Variants in CANX observed in about 807,000 individuals in gnomAD.
CANX encodes epididymis secretory sperm binding protein.
CANX carries 14 observed loss-of-function variants against 75.7 expected under a neutral mutation model. The observed-to-expected ratio is 0.19, with a 90% CI of 0.12 to 0.29. The LOEUF (loss-of-function observed/expected upper bound fraction) is 0.29. CANX is among the 10% of genes least tolerant of loss of function. The probability of loss-of-function intolerance (pLI) is 1.00; values close to 1 mark genes in which losing one functional copy is unlikely to be tolerated. For missense variants in CANX, 567 were observed against 713.2 expected (o/e 0.79, Z 2.34); for synonymous variants, 227 against 236.9 (o/e 0.96, Z 0.38).
rs1562504500 is a variant in CANX at position 179,719,769 on chromosome 5, A to C, written c.1013A>C (p.Lys338Thr). ...PEYVPDPDAE[K>T]PEDWDEDMDG... Reference sequence around the variant, plus strand: ...TACGTACCTGATCCAGACGCAGAGAAACCTGAGGATTGGTAAGAACTTCAG... The same window carrying C: ...TACGTACCTGATCCAGACGCAGAGACACCTGAGGATTGGTAAGAACTTCAG... Residue 338 changes from lysine to threonine, a missense_variant, in exon 9 of 15, where the codon AAA becomes ACA. Around this residue, in one of 3 missense-constraint regions of CANX, gnomAD observed 351 missense variants for 433.8 expected, o/e 0.81. Transcript: ENST00000247461. The C allele has an allele frequency of 1.3e-6, 2 of 1,595,938 alleles. No homozygotes were observed. Among genetic ancestry groups the C allele is most frequent in the Non-Finnish European group, 1.7e-6 (2 of 1,166,388 alleles).
intron 7 of CANX, 38 bp downstream of exon 7, chr5:179,710,103 C>G: frequency 8.6e-7 from 1 of 1,156,360 alleles, no homozygotes. Flanking sequence ...TATGGTATTA[C>G]ATATATATCA....
chr5:179,723,504 G>T, intron 11 of CANX, 156 bp from the exon 12 acceptor site: 4 of 700,448 alleles, frequency 5.7e-6, no homozygotes, highest in Admixed American at 6.1e-5. Flanking sequence ...GAGGATGGAG[G>T]CTTTCTCTAA....
At chr5:179,680,978 T>G (rs1322040582) in intron 1 of CANX, 16 of 1,434,504 alleles carry the variant, frequency 1.1e-5, no homozygotes, top group Non-Finnish European at 1.5e-5. Flanking sequence ...GTCCTCACTG[T>G]ATGTTGTGCC....
upstream of CANX, chr5:179,698,678 C>T: frequency 9.5e-7 from 1 of 1,050,034 alleles, no homozygotes; most frequent in Non-Finnish European, 1.3e-6. Context: ...CCTGTTAAAC[C>T]AGCCCCGCCC....
intron 7 of CANX, among the ~76,000 whole-genome samples, chr5:179,712,446 T>G (rs1321445041): frequency 3.9e-5 from 6 of 152,112 alleles, no homozygotes; most frequent in African/African-American, 1.2e-4. Context: ...GAGATGGAGT[T>G]TCACTCTTGT....
At chr5:179,681,642 C>T (rs1428558384) in intron 1 of CANX, among the ~76,000 whole-genome samples, 2 of 152,120 alleles carry the variant, frequency 1.3e-5, no homozygotes, top group Non-Finnish European at 2.9e-5. Context: ...TGAGAGTTAC[C>T]AGCCAGCTCC....
rs530222758 is a variant in CANX at position 179,699,328 on chromosome 5, G to A, written c.-4+226G>A. Among the ~76,000 whole-genome samples the A allele has an allele frequency of 2.6e-5, 4 of 152,314 alleles. No homozygotes were observed. The East Asian group carries it at 7.7e-4, about 29-fold the overall frequency. On this transcript the variant is annotated intron_variant, in intron 1 of 14. Transcript: ENST00000247461. The stretch of plus-strand genomic sequence containing the variant: ...CGCGCCGCCGGGGTCGGGAGGCGTG[G>A]CAGGTGGCCCGACAGCCTTCTTTGA...
intron 4 of CANX, 80 bp from the exon 5 acceptor site, chr5:179,708,159 C>G: frequency 8.6e-7 from 1 of 1,165,050 alleles, no homozygotes; most frequent in Non-Finnish European, 1.3e-6. Context: ...ATTTATGCAA[C>G]TAGGAGGTGT....
At position 179,699,012 on chromosome 5, in the gene CANX, C is replaced by T; in HGVS notation, c.-94C>T. The stretch of plus-strand genomic sequence containing the variant: ...GGTTCTGCGGCACGTGACGGTCGGG[C>T]CGCCTCCGCCTCTCTCTTTACTGCG... On this transcript the variant is annotated 5_prime_UTR_variant, in exon 1 of 15. Coordinates refer to ENST00000247461, the MANE Select transcript of CANX (RefSeq NM_001746.4). The T allele has an allele frequency of 4.5e-6, 5 of 1,121,738 alleles. No homozygotes were observed. Among genetic ancestry groups the T allele is most frequent in the Non-Finnish European group, 5.5e-6 (5 of 910,790 alleles). 69.5% of individuals were successfully genotyped at this position (1,121,738 alleles called of 1,614,324 possible).
intron 1 of CANX, among the ~76,000 whole-genome samples, chr5:179,702,981 C>G (rs1399510414): frequency 6.6e-6 from 1 of 152,150 alleles, no homozygotes; most frequent in African/African-American, 2.4e-5. Flanking sequence ...GGTGGTCAGG[C>G]TGGTCTTGAA....
At chr5:179,698,856 C>A (rs372071727), upstream of CANX, 1 of 1,037,432 alleles carries the variant, frequency 9.6e-7, no homozygotes. Flanking sequence ...GCCGGCCAAC[C>A]GGATGTCGGG....
At chr5:179,700,315 T>A (rs1321400068) in intron 1 of CANX, 3 of 152,240 alleles carry the variant, frequency 2.0e-5, no homozygotes, top group Non-Finnish European at 4.4e-5. Context: ...TTTTGCTTAA[T>A]TTTTTAATAA....
At chr5:179,697,175 C>T (rs1776425625), upstream of CANX, among the ~76,000 whole-genome samples, 1 of 152,110 alleles carries the variant, frequency 6.6e-6, no homozygotes, top group Non-Finnish European at 1.5e-5. Flanking sequence ...ATACTCCTGC[C>T]TCAGTCTTCC....
intron 1 of CANX, chr5:179,680,747 TC>T: frequency 1.5e-6 from 1 of 669,368 alleles, no homozygotes; most frequent in East Asian, 2.9e-5. Flanking sequence ...TGTTTCTAAT[TC>T]CTCTTCTGCC....
upstream of CANX, among the ~76,000 whole-genome samples, chr5:179,696,174 C>G (rs1016791983): frequency 6.6e-6 from 1 of 152,010 alleles, no homozygotes; most frequent in African/African-American, 2.4e-5. Context: ...CCACCTTCGC[C>G]TCCCAAAGTG....
At chr5:179,709,749 T>C in intron 6 of CANX, 124 bp from the exon 7 acceptor site, 1 of 602,740 alleles carries the variant, frequency 1.7e-6, no homozygotes. Context: ...TGTAGTTAGC[T>C]TTTCCTTTAA....
chr5:179,689,087 AAAAAT>A (rs1384828286), intron 1 of CANX, among the ~76,000 whole-genome samples: 5 of 151,964 alleles, frequency 3.3e-5, no homozygotes, highest in African/African-American at 1.2e-4. Context: ...CCTCCCTACT[AAAAAT>A]AAAAATAAAA....
chr5:179,686,675 C>T (rs1471073198), intron 1 of CANX, among the ~76,000 whole-genome samples: 1 of 151,312 alleles, frequency 6.6e-6, no homozygotes, highest in East Asian at 2.0e-4. Context: ...TGTTGCAAAA[C>T]TCCTGGGCTT....
At chr5:179,709,726 T>C (rs965487104) in intron 6 of CANX, 147 bp from the exon 7 acceptor site, 2 of 541,020 alleles carry the variant, frequency 3.7e-6, no homozygotes, top group Non-Finnish European at 6.4e-6. Context: ...TATTCCTTTT[T>C]ACTAAACAAA....
Sources: gnomAD v4.1 joint callset for allele counts (sites outside exome capture counted in the v4.1 genomes callset) on GRCh38, gnomAD v4.1.1 for gene constraint, gnomAD v4.1.1 regional missense constraint, MANE v1.5 for transcripts, NCBI Gene and HGNC (gene_info 2026-07-23, HGNC 2026-07-21) for gene names.